The following PTPRJ variants were observed in gnomAD, a reference collection of about 807,000 sequenced individuals.
PTPRJ encodes receptor-type tyrosine-protein phosphatase eta.
Under a neutral mutation model 141.3 loss-of-function variants are expected in PTPRJ, and 129 were observed. That is an observed-to-expected ratio of 0.91 (90% CI 0.79 to 1.06). The LOEUF is 1.06. Among genes scored for constraint, PTPRJ ranks in the 50% least tolerant of loss-of-function variants. The pLI, the probability that PTPRJ is intolerant of heterozygous loss-of-function variation, is 0.00. For missense variants in PTPRJ, 1,601 were observed against 1,679.7 expected (o/e 0.95, Z 0.82); for synonymous variants, 610 against 640.5 (o/e 0.95, Z 0.72).
At chr11:47,988,879 GTTTTTTTTTTTTTT>G (rs869194701) in intron 1 of PTPRJ, among the ~76,000 whole-genome samples, 6 of 76,340 alleles carry the variant, frequency 7.9e-5, no homozygotes, top group African/African-American at 1.4e-4. Context: ...ATTGTATCTT[GTTTTTTTTTTTTTT>G]TTTTTTTTTT....
intron 1 of PTPRJ, among the ~76,000 whole-genome samples, chr11:48,046,912 A>ATATT (rs1446781886): frequency 3.1e-4 from 23 of 74,164 alleles, no homozygotes; most frequent in South Asian, 4.2e-4. Context: ...ATATATATAT[A>ATATT]TTTTTTTTTT....
Position 48,139,504 on chromosome 11 carries a change from C to T in PTPRJ, c.2171C>T (p.Ser724Phe). ...TTTGCAGATCCTGCGTCCATGGCCT[C>T]CTTCGACTGCGAAGTGGTCCCCAAA... ...SFCTDPASMA[S>F]FDCEVVPKEP... Residue 724 changes from serine to phenylalanine, a missense_variant, in exon 11 of 25, where the codon TCC becomes TTC. By Grantham distance (155) the Ser-to-Phe change is radical. Coordinates refer to ENST00000418331, the MANE Select transcript of PTPRJ (RefSeq NM_002843.4). The T allele has an allele frequency of 6.2e-7, 1 of 1,613,992 alleles. No individual in the cohort carries two copies. Among genetic ancestry groups the T allele is most frequent in the Non-Finnish European group, 8.5e-7 (1 of 1,179,836 alleles).
At chr11:48,107,293 A>G (rs569063843) in intron 1 of PTPRJ, among the ~76,000 whole-genome samples, 1 of 152,100 alleles carries the variant, frequency 6.6e-6, no homozygotes, top group Admixed American at 6.5e-5. Flanking sequence ...ACTTATCAGC[A>G]CAAAGAAAGG....
chr11:48,095,605 G>A (rs541095780), intron 1 of PTPRJ, among the ~76,000 whole-genome samples: 71 of 146,132 alleles, frequency 4.9e-4, no homozygotes, highest in Non-Finnish European at 7.5e-4. Context: ...TTGAGATGGA[G>A]TTTTTGCTCT....
chr11:48,110,181 C>T lies in PTPRJ; in HGVS notation c.115+105C>T, dbSNP rs1590514017. Reference sequence around the variant, plus strand: ...TGAAATGCTAATTTATTAAAACCTGCTCGGTTTCCAATTTTTCTTTTTCTT... The same window carrying T: ...TGAAATGCTAATTTATTAAAACCTGTTCGGTTTCCAATTTTTCTTTTTCTT... On this transcript the variant is annotated intron_variant, in intron 2 of 24. Coordinates refer to ENST00000418331, the MANE Select transcript of PTPRJ (RefSeq NM_002843.4). 3.2e-6 allele frequency: 4 copies of T among 1,242,098 alleles called. No homozygotes were observed. In the East Asian group the frequency reaches 9.7e-5, roughly 30 times the overall value. 76.9% of individuals were successfully genotyped at this position (1,242,098 alleles called of 1,614,324 possible). A position where few individuals can be genotyped will look rare whatever the true frequency, so the allele number is the denominator to read the frequency against.
intron 1 of PTPRJ, among the ~76,000 whole-genome samples, chr11:48,046,042 C>G (rs529665499): frequency 1.3e-5 from 2 of 151,964 alleles, no homozygotes; most frequent in Admixed American, 6.6e-5. Context: ...CAGTTCCATA[C>G]GTTAGCTCAT....
rs1159007326 is a variant in PTPRJ at position 48,123,661 on chromosome 11, A to G, written c.665A>G (p.Lys222Arg). 11 of 1,614,056 alleles carry G rather than the reference A, an allele frequency of 6.8e-6. No homozygotes were observed. Among genetic ancestry groups the G allele is most frequent in the East Asian group, 2.2e-5 (1 of 44,892 alleles). ...DLRVALTGVR[K>R]AALSWSNGNG... The stretch of plus-strand genomic sequence containing the variant: ...CGTGTTGCCCTCACGGGTGTGAGGA[A>G]GGCTGCTCTCTCCTGGAGCAATGGC... The change falls in exon 5 of 25, where the codon AAG (lysine) becomes AGG (arginine). Residue 222 changes from lysine to arginine, a missense_variant. Lys to Arg is a conservative substitution (Grantham distance 26, BLOSUM62 2). Coordinates refer to ENST00000418331, the MANE Select transcript of PTPRJ (RefSeq NM_002843.4).
At chr11:48,087,316 T>G (rs929033151) in intron 1 of PTPRJ, among the ~76,000 whole-genome samples, 2 of 152,252 alleles carry the variant, frequency 1.3e-5, no homozygotes, top group Non-Finnish European at 2.9e-5. Context: ...TGAAGCTAAA[T>G]GAAGCTAAAT....
chr11:47,990,107 C>T (rs559490778), intron 1 of PTPRJ, among the ~76,000 whole-genome samples: 15 of 152,138 alleles, frequency 9.9e-5, no homozygotes, highest in Non-Finnish European at 1.8e-4. Context: ...GATTGTGCCA[C>T]TGCACTCCAG....
chr11:48,166,859 A>G (rs903301402), intron 24 of PTPRJ, among the ~76,000 whole-genome samples: 3 of 152,134 alleles, frequency 2.0e-5, no homozygotes, highest in African/African-American at 4.8e-5. Flanking sequence ...AGCCAAGGCA[A>G]TCTTGTTGGA....
intron 18 of PTPRJ, among the ~76,000 whole-genome samples, chr11:48,151,053 G>C (rs1371129638): frequency 1.3e-5 from 2 of 152,134 alleles, no homozygotes; most frequent in Non-Finnish European, 2.9e-5. Flanking sequence ...CCTCCAGGTT[G>C]CAACTGCTTG....
chr11:48,048,998 GTTGCTGC>G (rs1854481213), intron 1 of PTPRJ, among the ~76,000 whole-genome samples: 1 of 152,122 alleles, frequency 6.6e-6, no homozygotes, highest in Admixed American at 6.5e-5. Context: ...AGAGAGCACA[GTTGCTGC>G]TTGGAATAAA....
intron 1 of PTPRJ, among the ~76,000 whole-genome samples, chr11:48,032,492 G>A (rs182965346): frequency 2.6e-5 from 4 of 152,300 alleles, no homozygotes; most frequent in African/African-American, 9.6e-5. Context: ...GGTGGCTCAC[G>A]CCTATAATCC....
intron 1 of PTPRJ, among the ~76,000 whole-genome samples, chr11:48,028,483 C>G (rs905129131): frequency 1.3e-5 from 2 of 152,058 alleles, no homozygotes; most frequent in Non-Finnish European, 1.5e-5. Context: ...ACAGCCCAGC[C>G]CAGAATCCTT....
chr11:48,112,849 G>A lies in PTPRJ; in HGVS notation c.218G>A (p.Gly73Glu), dbSNP rs1856475323. ...GCAGAATCCTTTCATAAACAGAATG[G>A]AACTGGAACACCTCAGGTGGAAACA... The part of the protein sequence containing the change: ...STAESFHKQN[G>E]TGTPQVETNT... The change falls in exon 3 of 25, where the codon GGA becomes GAA. Residue 73 changes from glycine (G) to glutamate (E), a missense_variant. Gly to Glu is a moderately conservative substitution (Grantham distance 98). Coordinates refer to ENST00000418331, the MANE Select transcript of PTPRJ (RefSeq NM_002843.4). 1 of 1,614,176 alleles carries A rather than the reference G, an allele frequency of 6.2e-7. No individual in the cohort carries two copies. Among genetic ancestry groups the A allele is most frequent in the Non-Finnish European group, 8.5e-7 (1 of 1,180,022 alleles).
chr11:48,137,120 C>T lies in PTPRJ; in HGVS notation c.1991C>T (p.Ala664Val), dbSNP rs1396022378. 1.9e-6 allele frequency: 3 copies of T among 1,611,774 alleles called. No individual in the cohort carries two copies. The highest frequency in any genetic ancestry group is 2.5e-6 in the Non-Finnish European group (3 of 1,177,844). The change falls in exon 10 of 25, where the codon GCT becomes GTT. Residue 664 changes from alanine (A) to valine (V), a missense_variant. By Grantham distance (64) the Ala-to-Val change is moderately conservative. Transcript: ENST00000418331. ...TYSYCLLIEK[A>V]GNSSNATQVV... ...TCCTACTGCCTTCTTATTGAGAAGG[C>T]TGGAAATTCCAGCAACGCAACACAA...
At chr11:48,130,246 C>G (rs1403060876) in intron 7 of PTPRJ, among the ~76,000 whole-genome samples, 1 of 151,910 alleles carries the variant, frequency 6.6e-6, no homozygotes, top group Admixed American at 6.6e-5. Context: ...AATGTAAGCA[C>G]AGAGCTTCTG....
intron 23 of PTPRJ, among the ~76,000 whole-genome samples, chr11:48,163,866 T>C (rs1412405860): frequency 6.6e-6 from 1 of 152,210 alleles, no homozygotes; most frequent in Non-Finnish European, 1.5e-5. Flanking sequence ...GAACACAGCA[T>C]GCCCATTTAT....
At position 48,087,944 on chromosome 11, in the gene PTPRJ, G is replaced by A. The variant is rs538246855; in HGVS notation, c.97-22114G>A. ...TTTGTTTTCAGCAAGGTCCCTGCAT[G>A]TATGATTACAATCCTAAGTAATATC... is the stretch of plus-strand genomic sequence containing the variant. On this transcript the variant is annotated intron_variant, in intron 1 of 24. Transcript: ENST00000418331. Among the ~76,000 whole-genome samples the A allele has an allele frequency of 5.4e-4, 83 of 152,308 alleles. 2 individuals carry two copies. The highest frequency in any genetic ancestry group is 8.5e-4 in the Admixed American group (13 of 15,294).
Sources: gnomAD v4.1 joint callset for allele counts (sites outside exome capture counted in the v4.1 genomes callset) on GRCh38, gnomAD v4.1.1 for gene constraint, MANE v1.5 for transcripts, NCBI Gene and HGNC (gene_info 2026-07-23, HGNC 2026-07-21) for gene names.